PPIG: variants seen among roughly 807,000 people sequenced by gnomAD.
PPIG encodes peptidyl-prolyl cis-trans isomerase G.
A neutral mutation model predicts 87.9 loss-of-function variants in PPIG; 26 were observed. The observed-to-expected ratio is 0.30, with a 90% CI of 0.22 to 0.41. The LOEUF is 0.41. PPIG is among the 10% of genes least tolerant of loss of function. The probability of loss-of-function intolerance (pLI) is 1.00; values close to 1 mark genes in which losing one functional copy is unlikely to be tolerated. For synonymous variants in PPIG, 308 were observed against 276.5 expected (o/e 1.11, Z -1.13); for missense variants, 722 against 879.4 (o/e 0.82, Z 2.26).
chr2:169,592,774 G>C (rs1383847627), intron 1 of PPIG, among the ~76,000 whole-genome samples: 1 of 152,062 alleles, frequency 6.6e-6, no homozygotes, highest in East Asian at 1.9e-4. Context: ...CATAATTATA[G>C]AGGAAATAGG....
chr2:169,595,069 C>T (rs1332081188), intron 1 of PPIG, among the ~76,000 whole-genome samples: 1 of 152,132 alleles, frequency 6.6e-6, no homozygotes, highest in East Asian at 1.9e-4. Context: ...ACTGGGATTA[C>T]AGGTGCCCAC....
intron 12 of PPIG, among the ~76,000 whole-genome samples, chr2:169,634,450 TC>T (rs1466652989): frequency 6.6e-6 from 1 of 152,134 alleles, no homozygotes; most frequent in Non-Finnish European, 1.5e-5. Context: ...ATCTCATGAC[TC>T]CCATGGCTGG....
At chr2:169,606,247 C>T in intron 5 of PPIG, 101 bp downstream of exon 5, 1 of 832,722 alleles carries the variant, frequency 1.2e-6, no homozygotes, top group South Asian at 1.5e-5. Context: ...TTGTCACTCT[C>T]ACTCCATTTA....
intron 7 of PPIG, among the ~76,000 whole-genome samples, chr2:169,609,013 G>T (rs552656574): frequency 1.3e-5 from 2 of 151,176 alleles, no homozygotes; most frequent in African/African-American, 2.4e-5. Flanking sequence ...GAACCCGGGA[G>T]GGGGAGCTTA....
intron 1 of PPIG, 133 bp downstream of exon 1, chr2:169,584,623 A>G: frequency 4.7e-6 from 2 of 425,364 alleles, no homozygotes; most frequent in Non-Finnish European, 9.2e-6. Flanking sequence ...CTTTCCCTCG[A>G]GGTATCGGGG....
intron 1 of PPIG, among the ~76,000 whole-genome samples, chr2:169,598,219 A>G (rs1352655926): frequency 6.6e-6 from 1 of 152,002 alleles, no homozygotes; most frequent in African/African-American, 2.4e-5. Context: ...GGCTGGTCTC[A>G]AACTCCTGGA....
chr2:169,614,943 G>A (rs1448087381), intron 9 of PPIG, among the ~76,000 whole-genome samples: 1 of 152,092 alleles, frequency 6.6e-6, no homozygotes, highest in Non-Finnish European at 1.5e-5. Flanking sequence ...TATATGTTGT[G>A]GAATGGCTAA....
rs530636706 is a variant in PPIG at position 169,590,368 on chromosome 2, C to T, written c.-70+5878C>T. 1.7e-4 allele frequency among the ~76,000 whole-genome samples: 26 copies of T among 152,024 alleles called. 1 individual carries two copies. The South Asian group carries it at 5.2e-3, about 30-fold the overall frequency. On this transcript the variant is annotated intron_variant, in intron 1 of 13. Transcript: ENST00000260970. ...AACCTTAGAAAGTCAGGGCCTGGAG[C>T]AGTGGCTCAAGCCTGTAACGCCAGC...
chr2:169,636,919 G>T lies in PPIG; in HGVS notation c.1661G>T (p.Gly554Val), dbSNP rs747949024. 1.2e-6 allele frequency: 2 copies of T among 1,613,886 alleles called. No homozygotes were observed. The highest frequency in any genetic ancestry group is 1.7e-6 in the Non-Finnish European group (2 of 1,179,964). ...SRSRECDITK[G>V]KHSYNSRTRE... ...AGTAGAGAATGTGATATAACTAAAGGTAAACACAGTTATAATAGCAGAACA... is the reference window on the plus strand; with the variant it reads ...AGTAGAGAATGTGATATAACTAAAGTTAAACACAGTTATAATAGCAGAACA... The change falls in exon 14 of 14, where the codon GGT becomes GTT. Residue 554 changes from glycine (G) to valine (V), a missense_variant. By Grantham distance (109) the Gly-to-Val change is moderately radical. Around this residue, in one of 4 missense-constraint regions of PPIG, gnomAD observed 476 missense variants for 483.1 expected, o/e 0.99. Transcript: ENST00000260970.
intron 9 of PPIG, among the ~76,000 whole-genome samples, chr2:169,616,139 G>GT (rs1685602688): frequency 6.6e-6 from 1 of 152,082 alleles, no homozygotes; most frequent in African/African-American, 2.4e-5. Flanking sequence ...GAGAATGATG[G>GT]TTTCCAGCTT....
At chr2:169,584,733 G>A (rs1684650048) in intron 1 of PPIG, 3 of 311,670 alleles carry the variant, frequency 9.6e-6, no homozygotes, top group South Asian at 2.5e-5. Flanking sequence ...CCTGGGGACG[G>A]TCCTTCCTCT....
chr2:169,587,410 T>G (rs1242358266), intron 1 of PPIG, among the ~76,000 whole-genome samples: 1 of 152,030 alleles, frequency 6.6e-6, no homozygotes, highest in Non-Finnish European at 1.5e-5. Context: ...CCCAGCTGAT[T>G]TTTGTATTTT....
intron 2 of PPIG, 35 bp from the exon 3 acceptor site, chr2:169,603,991 T>C: frequency 6.6e-7 from 1 of 1,519,772 alleles, no homozygotes; most frequent in Non-Finnish European, 9.1e-7. Flanking sequence ...TTTGCTATTT[T>C]AGTCTGCTTG....
chr2:169,614,457 C>G lies in PPIG; in HGVS notation c.378-7C>G, dbSNP rs1182743394. On this transcript the variant is annotated splice_region_variant and splice_polypyrimidine_tract_variant and intron_variant, in intron 7 of 13. Coordinates refer to ENST00000260970, the MANE Select transcript of PPIG (RefSeq NM_004792.3). ...TTTTTATTCTTCTATCTGATGATTTCCAAAAGAACAACGAAACCAACTCCT... is the reference window on the plus strand; with the variant it reads ...TTTTTATTCTTCTATCTGATGATTTGCAAAAGAACAACGAAACCAACTCCT... The G allele has an allele frequency of 1.3e-6, 2 of 1,550,508 alleles. No individual in the cohort carries two copies.
intron 9 of PPIG, among the ~76,000 whole-genome samples, chr2:169,624,853 G>A (rs1558898614): frequency 6.6e-6 from 1 of 152,176 alleles, no homozygotes; most frequent in African/African-American, 2.4e-5. Context: ...GCCTCCCAGA[G>A]TGCTGGGATT....
At chr2:169,624,833 G>A (rs1283854900) in intron 9 of PPIG, among the ~76,000 whole-genome samples, 6 of 151,960 alleles carry the variant, frequency 3.9e-5, no homozygotes, top group Non-Finnish European at 5.9e-5. Flanking sequence ...TTCGTGATCC[G>A]CCCACCTCGG....
At position 169,636,149 on chromosome 2, in the gene PPIG, C is replaced by T; in HGVS notation, c.1075C>T (p.Pro359Ser). 1 of 1,612,814 alleles carries T rather than the reference C, an allele frequency of 6.2e-7. No individual in the cohort carries two copies. The highest frequency in any genetic ancestry group is 8.5e-7 in the Non-Finnish European group (1 of 1,179,488). Residue 359 changes from proline (P) to serine (S), a missense_variant, in exon 13 of 14, where the codon CCT (proline) becomes TCT (serine). Physicochemically the swap from Pro to Ser is moderately conservative, Grantham distance 74 (BLOSUM62 -1). Transcript: ENST00000260970. Reference sequence around the variant, plus strand: ...GGATCGTTTCAGACGTAGTGAGACTCCTCCACATTGGAGGCAAGAGATGCA... The same window carrying T: ...GGATCGTTTCAGACGTAGTGAGACTTCTCCACATTGGAGGCAAGAGATGCA... ...SRDRFRRSET[P>S]PHWRQEMQRA...
intron 4 of PPIG, among the ~76,000 whole-genome samples, chr2:169,605,739 C>T (rs1685308252): frequency 6.6e-6 from 1 of 152,060 alleles, no homozygotes; most frequent in Non-Finnish European, 1.5e-5. Flanking sequence ...GCGCAGGTTG[C>T]AGTGAGCCAA....
At chr2:169,616,465 C>T (rs1056698636) in intron 9 of PPIG, among the ~76,000 whole-genome samples, 1 of 152,206 alleles carries the variant, frequency 6.6e-6, no homozygotes, top group Non-Finnish European at 1.5e-5. Flanking sequence ...CTCCCACCAA[C>T]AGTATAACAG....
Sources: allele counts gnomAD v4.1 joint callset (sites outside exome capture counted in the v4.1 genomes callset), GRCh38; gene constraint gnomAD v4.1.1; regional missense constraint gnomAD v4.1.1; transcripts MANE v1.5; gene names NCBI Gene and HGNC (gene_info 2026-07-23, HGNC 2026-07-21).